SLC20A2: variants seen among roughly 807,000 people sequenced by gnomAD.
SLC20A2 encodes the protein sodium-dependent phosphate transporter 2.
Under a neutral mutation model 61.0 loss-of-function variants are expected in SLC20A2, and 30 were observed. That is an observed-to-expected ratio of 0.49 (90% CI 0.37 to 0.67). The LOEUF (loss-of-function observed/expected upper bound fraction) is 0.67, where lower values mean the gene tolerates loss of function less well. SLC20A2 is among the 30% of genes least tolerant of loss of function. The pLI, the probability that SLC20A2 is intolerant of heterozygous loss-of-function variation, is 0.00. For synonymous variants in SLC20A2, 351 were observed against 353.3 expected (o/e 0.99, Z 0.07); for missense variants, 626 against 866.4 (o/e 0.72, Z 3.48).
chr8:42,528,236 C>A (rs1812100489), intron 1 of SLC20A2, among the ~76,000 whole-genome samples: 1 of 152,090 alleles, frequency 6.6e-6, no homozygotes, highest in African/African-American at 2.4e-5. Context: ...CCGAGGCAGG[C>A]AGATCACGAG....
chr8:42,430,252 G>A lies in SLC20A2; in HGVS notation c.1524-3C>T, dbSNP rs1803745051. On this transcript the variant is annotated splice_region_variant and splice_polypyrimidine_tract_variant and intron_variant, in intron 8 of 10. Coordinates refer to ENST00000520262, the MANE Select transcript of SLC20A2 (RefSeq NM_001257180.2). The stretch of plus-strand genomic sequence containing the variant: ...CTACCAGGGGACCGATGGCATTACT[G>A]GGAAAAATAAAAAGAGAAAAGATTA... 1 of 1,605,432 alleles carries A rather than the reference G, an allele frequency of 6.2e-7. No individual in the cohort carries two copies. The highest frequency in any genetic ancestry group is 1.1e-5 in the South Asian group (1 of 89,804).
chr8:42,429,614 G>A (rs1177236787), intron 9 of SLC20A2, among the ~76,000 whole-genome samples: 1 of 152,228 alleles, frequency 6.6e-6, no homozygotes, highest in African/African-American at 2.4e-5. Flanking sequence ...CACCCACAAT[G>A]GCAGGGGGCG....
intron 1 of SLC20A2, among the ~76,000 whole-genome samples, chr8:42,513,307 A>G (rs1323965796): frequency 6.6e-6 from 1 of 152,202 alleles, no homozygotes; most frequent in African/African-American, 2.4e-5. Flanking sequence ...GGGCAGAATT[A>G]ACAGCTGCCA....
chr8:42,441,142 C>CTTT (rs112150338), intron 6 of SLC20A2, among the ~76,000 whole-genome samples: 17 of 125,592 alleles, frequency 1.4e-4, no homozygotes, highest in African/African-American at 3.9e-4. Context: ...ATATTTTGCT[C>CTTT]TTTTTTTTTT....
rs1311253399 is a variant in SLC20A2, at chr8:42,417,542, TAA to T, written c.*259_*260del. On this transcript the variant is annotated 3_prime_UTR_variant, in exon 11 of 11. Coordinates refer to ENST00000520262, the MANE Select transcript of SLC20A2 (RefSeq NM_001257180.2). ...ATGGATACAATAGATATTTAATATATAAGTAACTGCACCACATTATATCACCA... is the reference window on the plus strand; with the variant it reads ...ATGGATACAATAGATATTTAATATATGTAACTGCACCACATTATATCACCA... 3.6e-6 allele frequency: 1 copy of T among 276,848 alleles called. No homozygotes were observed. Among genetic ancestry groups the T allele is most frequent in the Admixed American group, 4.4e-5 (1 of 22,720 alleles). The allele number at this position is 276,848 out of a possible 1,614,324, so 17.1% of individuals were successfully genotyped here.
chr8:42,467,864 G>A (rs1807306532), intron 2 of SLC20A2, among the ~76,000 whole-genome samples: 1 of 152,108 alleles, frequency 6.6e-6, no homozygotes, highest in Non-Finnish European at 1.5e-5. Flanking sequence ...CCAGGGTTTG[G>A]AGCACGTTTC....
rs181364202 is a variant in SLC20A2, at chr8:42,469,884, C to T, written c.289+2218G>A. Among the ~76,000 whole-genome samples the T allele has an allele frequency of 3.2e-4, 48 of 150,898 alleles. 1 individual carries two copies. Among genetic ancestry groups the T allele is most frequent in the Middle Eastern group, 6.8e-3 (2 of 294 alleles). On this transcript the variant is annotated intron_variant, in intron 2 of 10. Transcript: ENST00000520262. ...CAGAGGTTGCAGTGAGCCGAGATCA[C>T]ACCACTGCACTCCAGCCTGGGCAAC...
intron 1 of SLC20A2, among the ~76,000 whole-genome samples, chr8:42,533,806 G>GCAC (rs2131445442): frequency 6.6e-6 from 1 of 151,178 alleles, no homozygotes; most frequent in Admixed American, 6.6e-5. Context: ...TTACAGGCGT[G>GCAC]CACCACCATG....
chr8:42,497,324 T>C (rs142225137), intron 1 of SLC20A2, among the ~76,000 whole-genome samples: 295 of 152,320 alleles, frequency 1.9e-3, no homozygotes, highest in Admixed American at 4.6e-3. Flanking sequence ...TTGCATCTCA[T>C]CCAGCAGACC....
At chr8:42,473,498 C>T (rs1426276366) in intron 1 of SLC20A2, among the ~76,000 whole-genome samples, 1 of 152,196 alleles carries the variant, frequency 6.6e-6, no homozygotes, top group Non-Finnish European at 1.5e-5. Context: ...TCCCCCACAG[C>T]TGCACAGCTC....
At chr8:42,504,534 G>C (rs1294421015), upstream of SLC20A2, among the ~76,000 whole-genome samples, 1 of 152,006 alleles carries the variant, frequency 6.6e-6, no homozygotes, top group Non-Finnish European at 1.5e-5. Context: ...TGAAATTTTA[G>C]TTATAAAATC....
At chr8:42,441,490 G>C (rs1327735143) in intron 6 of SLC20A2, among the ~76,000 whole-genome samples, 1 of 148,946 alleles carries the variant, frequency 6.7e-6, no homozygotes, top group African/African-American at 2.6e-5. Context: ...TTTGTTTTGA[G>C]ACAGAGTCTT....
chr8:42,420,641 C>T (rs935353298), intron 10 of SLC20A2, among the ~76,000 whole-genome samples: 1 of 152,170 alleles, frequency 6.6e-6, no homozygotes, highest in Non-Finnish European at 1.5e-5. Context: ...GAACAGGTTC[C>T]ATCCATTGCT....
intron 10 of SLC20A2, among the ~76,000 whole-genome samples, chr8:42,425,678 G>A (rs954062782): frequency 1.3e-5 from 2 of 152,156 alleles, no homozygotes; most frequent in African/African-American, 2.4e-5. Context: ...GCACCCTGCT[G>A]CAGTCCCATT....
At chr8:42,537,363 C>A (rs1472401474) in intron 1 of SLC20A2, among the ~76,000 whole-genome samples, 6 of 128,202 alleles carry the variant, frequency 4.7e-5, no homozygotes, top group Non-Finnish European at 8.2e-5. Context: ...AGAGTGAGAC[C>A]CTGTCTCAAA....
chr8:42,517,811 C>T (rs1351153423), intron 1 of SLC20A2, among the ~76,000 whole-genome samples: 1 of 152,140 alleles, frequency 6.6e-6, no homozygotes, highest in Non-Finnish European at 1.5e-5. Context: ...ACAGAGAAGA[C>T]ATCCAGAAAC....
rs537263718 is a variant in SLC20A2, at chr8:42,488,481, C to T, written c.-265+12550G>A. Among the ~76,000 whole-genome samples the T allele has an allele frequency of 5.9e-5, 9 of 152,194 alleles. 2 individuals carry two copies. The highest frequency in any genetic ancestry group is 1.9e-4 in the African/African-American group (8 of 41,518). On this transcript the variant is annotated intron_variant, in intron 1 of 10. Transcript: ENST00000520262. The stretch of plus-strand genomic sequence containing the variant: ...GAGATTACAGGCGTGAGCCACTGCA[C>T]CTGGCCATAACACTGCTATTAAAAT...
chr8:42,520,382 A>G (rs556467533), intron 1 of SLC20A2, among the ~76,000 whole-genome samples: 138 of 152,098 alleles, frequency 9.1e-4, no homozygotes, highest in Non-Finnish European at 1.6e-3. Context: ...AAAAAAATAA[A>G]TAAGTAAAAA....
intron 1 of SLC20A2, among the ~76,000 whole-genome samples, chr8:42,497,677 C>T (rs1223074829): frequency 6.6e-6 from 1 of 151,820 alleles, no homozygotes; most frequent in Non-Finnish European, 1.5e-5. Flanking sequence ...AGTTCCCTAC[C>T]CTCTTATCAT....
Sources: allele counts gnomAD v4.1 joint callset (sites outside exome capture counted in the v4.1 genomes callset), GRCh38; gene constraint gnomAD v4.1.1; transcripts MANE v1.5; gene names NCBI Gene and HGNC (gene_info 2026-07-23, HGNC 2026-07-21).